The following ISLR2 variants were observed in gnomAD, a reference collection of about 807,000 sequenced individuals.
The protein encoded by ISLR2 is immunoglobulin superfamily containing leucine rich repeat 2, also known as immunoglobulin superfamily containing leucine-rich repeat protein 2.
In ISLR2, 16 loss-of-function variants were observed where a neutral mutation model predicts 25.5. That is an observed-to-expected ratio of 0.63 (90% CI 0.43 to 0.95). The LOEUF is 0.95. Among genes scored for constraint, ISLR2 ranks in the 40% least tolerant of loss-of-function variants. The pLI is 0.00. For synonymous variants in ISLR2, 508 were observed against 486.6 expected, an observed-to-expected ratio of 1.04 and a Z score of -0.58; for missense variants, 883 against 1,030.7, an observed-to-expected ratio of 0.86 and a Z score of 1.96.
At chr15:74,105,994 G>T (rs1257216260) in intron 2 of ISLR2, among the ~76,000 whole-genome samples, 1 of 152,158 alleles carries the variant, frequency 6.6e-6, no homozygotes, top group African/African-American at 2.4e-5. Flanking sequence ...ATTCCAGCAT[G>T]TGTGTCAGCC....
At chr15:74,118,428 T>C (rs2072228438) in intron 2 of ISLR2, among the ~76,000 whole-genome samples, 1 of 152,196 alleles carries the variant, frequency 6.6e-6, no homozygotes, top group Non-Finnish European at 1.5e-5. Flanking sequence ...GATAACATCT[T>C]ATCAGGAGAC....
upstream of ISLR2, chr15:74,128,408 G>A (rs756763884): frequency 1.1e-5 from 5 of 454,232 alleles, no homozygotes; most frequent in Admixed American, 9.5e-5. Flanking sequence ...TCCCGCCCAG[G>A]GGTGGTCACC....
At chr15:74,139,495 A>G (rs1173006225), downstream of ISLR2, among the ~76,000 whole-genome samples, 1 of 151,784 alleles carries the variant, frequency 6.6e-6, no homozygotes, top group East Asian at 1.9e-4. Context: ...GGTTGAATTC[A>G]TTTTCACAGT....
intron 2 of ISLR2, among the ~76,000 whole-genome samples, chr15:74,107,400 A>T (rs1164270035): frequency 3.3e-5 from 5 of 152,094 alleles, no homozygotes; most frequent in Admixed American, 6.5e-5. Flanking sequence ...CAGTGTGGGT[A>T]TGGCTGTCCA....
rs1288583921 is a variant in ISLR2 at position 74,136,324 on chromosome 15, G to C, written c.*1332G>C. ...TGGCCTCCCGGGCCGCGGCTCTCTG[G>C]AGGGCTCGCGCCCTAGTTCGCACAA... On this transcript the variant is annotated 3_prime_UTR_variant, in exon 3 of 3. Transcript: ENST00000453268. The C allele has an allele frequency of 6.1e-6, 1 of 164,890 alleles. No homozygotes were observed. Among genetic ancestry groups the C allele is most frequent in the Non-Finnish European group, 1.5e-5 (1 of 68,214 alleles). 10.2% of individuals were successfully genotyped at this position (164,890 alleles called of 1,614,324 possible). A position where few individuals can be genotyped will look rare whatever the true frequency, so the allele number is the denominator to read the frequency against.
At position 74,121,313 on chromosome 15, in the gene ISLR2, C is replaced by T. The variant is rs186192784; in HGVS notation, n.229-9894C>T. On this transcript the variant is annotated intron_variant and non_coding_transcript_variant, in intron 2 of 3. Coordinates refer to the ISLR2 transcript ENST00000561975. ...TCCCAGCTGAGTCTGGAGATAAGGA[C>T]GCAGGAAGATGGGGCTGCAGGATTC... Among the ~76,000 whole-genome samples, 493 of 152,236 alleles carry T rather than the reference C, an allele frequency of 3.2e-3. 2 individuals carry two copies. Among genetic ancestry groups the T allele is most frequent in the Non-Finnish European group, 5.6e-3 (382 of 68,010 alleles).
chr15:74,111,717 C>T (rs1243057381), intron 2 of ISLR2, among the ~76,000 whole-genome samples: 1 of 151,096 alleles, frequency 6.6e-6, no homozygotes, highest in Non-Finnish European at 1.5e-5. Flanking sequence ...ACTACAAGCC[C>T]GTGCCACCAT....
downstream of ISLR2, among the ~76,000 whole-genome samples, chr15:74,139,102 C>T (rs1256954391): frequency 6.6e-6 from 1 of 152,184 alleles, no homozygotes; most frequent in Admixed American, 6.5e-5. Flanking sequence ...AAGCTCTGCC[C>T]CTCTTTGTCC....
At chr15:74,115,118 G>A (rs2072200680) in intron 2 of ISLR2, among the ~76,000 whole-genome samples, 1 of 152,182 alleles carries the variant, frequency 6.6e-6, no homozygotes, top group Non-Finnish European at 1.5e-5. Flanking sequence ...CAACAGGCTA[G>A]AGAGAATTCA....
upstream of ISLR2, chr15:74,130,012 C>T (rs1464787195): frequency 1.3e-5 from 2 of 152,224 alleles, no homozygotes; most frequent in Non-Finnish European, 2.9e-5. Context: ...CCCTGCTCCA[C>T]CTGTCCCGCG....
chr15:74,115,460 T>C (rs1266141921), intron 2 of ISLR2, among the ~76,000 whole-genome samples: 7 of 152,150 alleles, frequency 4.6e-5, no homozygotes, highest in Admixed American at 4.6e-4. Context: ...TTTGGGAGGC[T>C]GAGGTGGGCA....
At chr15:74,110,863 G>A (rs533302910) in intron 2 of ISLR2, among the ~76,000 whole-genome samples, 2 of 152,284 alleles carry the variant, frequency 1.3e-5, no homozygotes, top group Admixed American at 1.3e-4. Flanking sequence ...GGAGGCTGAG[G>A]CAGGAGAATC....
chr15:74,102,715 GT>G (rs2072089743), intron 1 of ISLR2, among the ~76,000 whole-genome samples: 2 of 151,960 alleles, frequency 1.3e-5, no homozygotes, highest in South Asian at 4.1e-4. Context: ...TAGAGAATAT[GT>G]TATGAATATA....
chr15:74,115,516 T>C (rs188485433), intron 2 of ISLR2, among the ~76,000 whole-genome samples: 1,819 of 152,096 alleles, frequency 0.012, 21 homozygotes, highest in Non-Finnish European at 0.018. Flanking sequence ...CCAATATGGC[T>C]AAATCCTGTC....
chr15:74,114,839 C>T (rs930492741), intron 2 of ISLR2, among the ~76,000 whole-genome samples: 9 of 152,078 alleles, frequency 5.9e-5, no homozygotes, highest in African/African-American at 2.2e-4. Flanking sequence ...GAAGCACTTA[C>T]AGGCTCCAAT....
intron 2 of ISLR2, among the ~76,000 whole-genome samples, chr15:74,113,730 C>T (rs1262320333): frequency 6.6e-6 from 1 of 152,208 alleles, no homozygotes; most frequent in Non-Finnish European, 1.5e-5. Context: ...AATCCTAAGG[C>T]ATGGCCTTCT....
chr15:74,128,669 C>G (rs2279379), upstream of ISLR2: 146,572 of 456,000 alleles, frequency 0.32, 27,057 homozygotes, highest in African/African-American at 0.6. Context: ...TAAAAACCGG[C>G]GGAGGGCCTT....
At position 74,134,661 on chromosome 15, in the gene ISLR2, C is replaced by T. The variant is rs936243012; in HGVS notation, c.1907C>T (p.Pro636Leu). Residue 636 changes from proline to leucine, a missense_variant, in exon 3 of 3, where the codon CCT becomes CTT. By Grantham distance (98) the Pro-to-Leu change is moderately conservative. Around this residue, in one of 2 missense-constraint regions of ISLR2, gnomAD observed 612 missense variants for 642.8 expected, o/e 0.95. Transcript: ENST00000453268. ...ATCCTGCGGCCTCAGGCCCCTGACC[C>T]TATGGAGAAGCGCATCGCCGCAGAC... The part of the protein sequence containing the change: ...RLILRPQAPD[P>L]MEKRIAADFD... 1.3e-5 allele frequency: 21 copies of T among 1,614,036 alleles called. No homozygotes were observed. The Admixed American group carries it at 2.7e-4, about 20-fold the overall frequency.
chr15:74,121,397 G>A (rs543723134), intron 2 of ISLR2, among the ~76,000 whole-genome samples: 11 of 152,260 alleles, frequency 7.2e-5, no homozygotes, highest in Admixed American at 2.0e-4. Context: ...GCTTCCCCAG[G>A]AAAGTCTATT....
Sources: gnomAD v4.1 joint callset for allele counts (sites outside exome capture counted in the v4.1 genomes callset) on GRCh38, gnomAD v4.1.1 for gene constraint, gnomAD v4.1.1 regional missense constraint, MANE v1.5 for transcripts, NCBI Gene and HGNC (gene_info 2026-07-23, HGNC 2026-07-21) for gene names.